Variants in SEMA3D observed in about 807,000 individuals in gnomAD.
The protein encoded by SEMA3D is semaphorin 3D.
In SEMA3D, 84 loss-of-function variants were observed where a neutral mutation model predicts 100.1. The observed-to-expected ratio is 0.84, with a 90% CI of 0.70 to 1.01. SEMA3D has a LOEUF of 1.01. Among genes scored for constraint, SEMA3D ranks in the 50% least tolerant of loss-of-function variants. SEMA3D has a pLI of 0.00. For synonymous variants in SEMA3D, 312 were observed against 320.7 expected, an observed-to-expected ratio of 0.97 and a Z score of 0.29; for missense variants, 875 against 934.1, an observed-to-expected ratio of 0.94 and a Z score of 0.82.
intron 2 of SEMA3D, chr7:85,151,610 TG>T: frequency 1.0e-6 from 1 of 955,772 alleles, no homozygotes; most frequent in Non-Finnish European, 1.2e-6. Context: ...TGTGTGTGTG[TG>T]TGTGTGTGTG....
chr7:85,032,689 T>C (rs1020782096), intron 12 of SEMA3D, among the ~76,000 whole-genome samples: 1 of 152,146 alleles, frequency 6.6e-6, no homozygotes, highest in Non-Finnish European at 1.5e-5. Context: ...ATGTGGTTTC[T>C]GCTTATCTAA....
chr7:85,132,558 G>A (rs1346358145), intron 2 of SEMA3D, among the ~76,000 whole-genome samples: 1 of 151,708 alleles, frequency 6.6e-6, no homozygotes, highest in African/African-American at 2.4e-5. Context: ...TTCTAACATG[G>A]ACTATTAAAA....
Position 85,157,626 on chromosome 7 carries a change from G to A in SEMA3D, c.-172-3887C>T. On this transcript the variant is annotated intron_variant, in intron 1 of 18. Coordinates refer to ENST00000284136, the MANE Select transcript of SEMA3D (RefSeq NM_001384900.1). ...TGCAAGGCTTATAAGTAAATAAATT[G>A]CATCAGTTTATGCCGTACATACATC... 2 of 971,392 alleles carry A rather than the reference G, an allele frequency of 2.1e-6. 1 individual carries two copies. Among genetic ancestry groups the A allele is most frequent in the Middle Eastern group, 1.1e-3 (2 of 1,886 alleles). 60.2% of individuals were successfully genotyped at this position (971,392 alleles called of 1,614,324 possible).
At chr7:85,011,282 G>A (rs190529853) in intron 17 of SEMA3D, among the ~76,000 whole-genome samples, 1,686 of 151,818 alleles carry the variant, frequency 0.011, 19 homozygotes, top group South Asian at 0.03. Flanking sequence ...AATGAGAACC[G>A]AAAATTGGCC....
At chr7:85,096,485 T>A (rs1288091541) in intron 4 of SEMA3D, among the ~76,000 whole-genome samples, 1 of 151,900 alleles carries the variant, frequency 6.6e-6, no homozygotes, top group Non-Finnish European at 1.5e-5. Flanking sequence ...CAAAAACAAT[T>A]GCTAGCAGTA....
chr7:85,117,767 T>C (rs923600190), intron 3 of SEMA3D, among the ~76,000 whole-genome samples: 1 of 33,276 alleles, frequency 3.0e-5, no homozygotes, highest in African/African-American at 8.1e-5. Context: ...AGCAAGAGTA[T>C]GTATGTATGT....
chr7:84,999,967 T>C (rs1789612749), intron 18 of SEMA3D, 102 bp from the exon 19 acceptor site: 1 of 863,508 alleles, frequency 1.2e-6, no homozygotes, highest in African/African-American at 1.7e-5. Context: ...ATGAAAGACA[T>C]ATTCATTGTC....
chr7:84,997,642 G>A lies in SEMA3D; in HGVS notation c.*1798C>T, dbSNP rs1789539002. On this transcript the variant is annotated 3_prime_UTR_variant, in exon 19 of 19. Transcript: ENST00000284136. ...GCAAATAAAATAAAAATAACAGAGA[G>A]AGAATGCTCTCAACATAGAGCCACA... 6.6e-6 allele frequency: 1 copy of A among 152,484 alleles called. No individual in the cohort carries two copies. The highest frequency in any genetic ancestry group is 6.6e-5 in the Admixed American group (1 of 15,262). 9.4% of individuals were successfully genotyped at this position (152,484 alleles called of 1,614,324 possible).
chr7:85,015,433 G>A (rs1790071493), intron 15 of SEMA3D, among the ~76,000 whole-genome samples: 1 of 151,772 alleles, frequency 6.6e-6, no homozygotes, highest in African/African-American at 2.4e-5. Context: ...GAAATGGACA[G>A]CATTCTACAA....
the SEMA3D span, among the ~76,000 whole-genome samples, chr7:85,225,066 A>G: frequency 8.1e-4 from 4 of 4,948 alleles, no homozygotes; most frequent in African/African-American, 1.3e-3. Flanking sequence ...ATATATATAT[A>G]TATATATATA....
intron 2 of SEMA3D, chr7:85,151,589 G>C: frequency 1.1e-6 from 1 of 890,918 alleles, no homozygotes. Flanking sequence ...GTGTATGCAT[G>C]TGTGTATGCG....
At chr7:85,239,146 G>A in the SEMA3D span, among the ~76,000 whole-genome samples, 2 of 152,220 alleles carry the variant, frequency 1.3e-5, no homozygotes, top group African/African-American at 2.4e-5. Context: ...ATCACCTGGG[G>A]ATCTTGCTAA....
chr7:85,040,614 T>C, intron 11 of SEMA3D, 59 bp downstream of exon 11: 1 of 854,438 alleles, frequency 1.2e-6, no homozygotes, highest in South Asian at 1.5e-5. Flanking sequence ...CCTATAACTA[T>C]ATTGGCTTGC....
At chr7:85,173,188 T>C (rs541512213) in intron 1 of SEMA3D, among the ~76,000 whole-genome samples, 2 of 151,964 alleles carry the variant, frequency 1.3e-5, no homozygotes, top group South Asian at 2.1e-4. Context: ...ACATTGAACA[T>C]TTGAGGGTAG....
At chr7:85,065,382 C>A (rs1250373910) in intron 8 of SEMA3D, 42 bp downstream of exon 8, 1 of 1,589,000 alleles carries the variant, frequency 6.3e-7, no homozygotes, top group Non-Finnish European at 8.6e-7. Flanking sequence ...TATCTTAAAC[C>A]AAAGCAAGAC....
chr7:85,122,028 G>C (rs1412145425), intron 2 of SEMA3D, 97 bp from the exon 3 acceptor site: 1 of 587,256 alleles, frequency 1.7e-6, no homozygotes, highest in Non-Finnish European at 2.8e-6. Flanking sequence ...TTAAGTGGGA[G>C]TTGAACAATG....
At chr7:85,089,076 G>A (rs1199208971) in intron 4 of SEMA3D, among the ~76,000 whole-genome samples, 1 of 152,116 alleles carries the variant, frequency 6.6e-6, no homozygotes, top group African/African-American at 2.4e-5. Context: ...CAGAACACGT[G>A]AATGTGAGTC....
At chr7:85,205,133 C>G in the SEMA3D span, among the ~76,000 whole-genome samples, 1 of 151,868 alleles carries the variant, frequency 6.6e-6, no homozygotes, top group Non-Finnish European at 1.5e-5. Context: ...TTTACTTGAA[C>G]TATTTGCTTT....
intron 9 of SEMA3D, among the ~76,000 whole-genome samples, chr7:85,047,742 G>A (rs1791048885): frequency 6.6e-6 from 1 of 151,834 alleles, no homozygotes; most frequent in Admixed American, 6.6e-5. Context: ...AAGGACACCA[G>A]TTTCAAATCA....
Sources: allele counts gnomAD v4.1 joint callset (sites outside exome capture counted in the v4.1 genomes callset), GRCh38; gene constraint gnomAD v4.1.1; transcripts MANE v1.5; gene names NCBI Gene and HGNC (gene_info 2026-07-23, HGNC 2026-07-21).